Variants in CDH9 observed in about 807,000 individuals in gnomAD.
The protein encoded by CDH9 is cadherin 9.
Under a neutral mutation model 70.9 loss-of-function variants are expected in CDH9, and 28 were observed. The ratio of observed to expected loss-of-function variants is 0.40; its 90% CI spans 0.29 to 0.54. CDH9 has a LOEUF of 0.54. Among genes scored for constraint, CDH9 ranks in the 20% least tolerant of loss-of-function variants. The pLI, the probability that CDH9 is intolerant of heterozygous loss-of-function variation, is 0.59. For synonymous variants in CDH9, 409 were observed against 343.1 expected, an observed-to-expected ratio of 1.19 and a Z score of -2.12; for missense variants, 874 against 984.4, an observed-to-expected ratio of 0.89 and a Z score of 1.50.
chr5:27,012,420 A>G (rs1742974851), intron 1 of CDH9, among the ~76,000 whole-genome samples: 1 of 151,932 alleles, frequency 6.6e-6, no homozygotes, highest in South Asian at 2.1e-4. Context: ...TCTTCAGTCT[A>G]TATGTATGAA....
At chr5:26,946,611 A>C (rs187242529) in intron 2 of CDH9, among the ~76,000 whole-genome samples, 27 of 152,310 alleles carry the variant, frequency 1.8e-4, no homozygotes, top group African/African-American at 6.0e-4. Flanking sequence ...AAATAGGTTA[A>C]GGGAATTAAA....
chr5:26,885,044 T>C (rs981992709), intron 11 of CDH9, among the ~76,000 whole-genome samples: 1 of 152,226 alleles, frequency 6.6e-6, no homozygotes, highest in Non-Finnish European at 1.5e-5. Context: ...AATGTCTAAC[T>C]TACTGTGACA....
At chr5:26,918,580 A>T (rs1271442863) in intron 2 of CDH9, among the ~76,000 whole-genome samples, 1 of 152,230 alleles carries the variant, frequency 6.6e-6, no homozygotes, top group Non-Finnish European at 1.5e-5. Context: ...GAATGGATAG[A>T]CTTGAATTTG....
intron 2 of CDH9, among the ~76,000 whole-genome samples, chr5:26,986,727 T>C (rs1156554523): frequency 6.6e-6 from 1 of 152,054 alleles, no homozygotes; most frequent in East Asian, 1.9e-4. Flanking sequence ...TTTCACATCC[T>C]TAGACAAAAA....
At chr5:26,899,991 TAAC>T (rs1385572607) in intron 7 of CDH9, among the ~76,000 whole-genome samples, 4 of 151,988 alleles carry the variant, frequency 2.6e-5, no homozygotes, top group African/African-American at 9.7e-5. Context: ...AGATAAAAGT[TAAC>T]AATATTAAAG....
intron 2 of CDH9, among the ~76,000 whole-genome samples, chr5:26,939,051 T>A (rs1463596360): frequency 6.6e-6 from 1 of 151,996 alleles, no homozygotes; most frequent in East Asian, 1.9e-4. Context: ...AAATATTATA[T>A]CTTCAGGATG....
At chr5:26,988,489 A>G (rs976199722) in intron 1 of CDH9, 107 bp from the exon 2 acceptor site, 1 of 911,446 alleles carries the variant, frequency 1.1e-6, no homozygotes, top group African/African-American at 1.7e-5. Flanking sequence ...TTTATTATGT[A>G]CTATATATAC....
chr5:26,919,292 A>G (rs941804672), intron 2 of CDH9, among the ~76,000 whole-genome samples: 2 of 152,132 alleles, frequency 1.3e-5, no homozygotes, highest in Non-Finnish European at 2.9e-5. Flanking sequence ...GAAACTTTGC[A>G]TTGGAACTCA....
intron 1 of CDH9, among the ~76,000 whole-genome samples, chr5:27,024,152 C>G (rs1008373604): frequency 2.6e-5 from 4 of 151,824 alleles, no homozygotes; most frequent in African/African-American, 9.7e-5. Context: ...ATGATGAAAA[C>G]TGGACAAATA....
intron 2 of CDH9, among the ~76,000 whole-genome samples, chr5:26,965,642 T>G (rs1253089252): frequency 6.6e-6 from 1 of 151,054 alleles, no homozygotes; most frequent in Non-Finnish European, 1.5e-5. Flanking sequence ...ATTTATGAGC[T>G]TTATGAACAG....
At chr5:27,023,071 C>T (rs1743166248) in intron 1 of CDH9, among the ~76,000 whole-genome samples, 1 of 151,946 alleles carries the variant, frequency 6.6e-6, no homozygotes, top group Middle Eastern at 3.2e-3. Context: ...TAGCCTCTTT[C>T]CATCATTTTA....
At chr5:26,969,410 ATAT>A (rs1742180535) in intron 2 of CDH9, among the ~76,000 whole-genome samples, 1 of 152,088 alleles carries the variant, frequency 6.6e-6, no homozygotes, top group Non-Finnish European at 1.5e-5. Context: ...TATTGTTTTA[ATAT>A]TATTATTGTC....
chr5:26,949,527 C>T (rs1214248985), intron 2 of CDH9, among the ~76,000 whole-genome samples: 1 of 152,180 alleles, frequency 6.6e-6, no homozygotes, highest in Non-Finnish European at 1.5e-5. Flanking sequence ...CTGACAATGA[C>T]CAATGGAAAG....
chr5:26,947,224 T>C (rs1405478338), intron 2 of CDH9, among the ~76,000 whole-genome samples: 1 of 152,144 alleles, frequency 6.6e-6, no homozygotes, highest in Non-Finnish European at 1.5e-5. Context: ...CTTAAGGAAA[T>C]GATCATGCTG....
At chr5:27,021,155 A>T (rs1239387044) in intron 1 of CDH9, among the ~76,000 whole-genome samples, 2 of 151,828 alleles carry the variant, frequency 1.3e-5, no homozygotes, top group African/African-American at 4.8e-5. Flanking sequence ...TTTTCATATT[A>T]TAATCTGGGC....
chr5:27,024,381 A>G (rs1004960048), intron 1 of CDH9, among the ~76,000 whole-genome samples: 2 of 152,086 alleles, frequency 1.3e-5, no homozygotes, highest in Non-Finnish European at 2.9e-5. Context: ...TTTTGAAAAA[A>G]TGTAGTGTCA....
chr5:26,975,305 A>G (rs943866736), intron 2 of CDH9, among the ~76,000 whole-genome samples: 8 of 152,168 alleles, frequency 5.3e-5, no homozygotes, highest in African/African-American at 1.9e-4. Context: ...ATTTTCCAAT[A>G]AGGAAGCATT....
chr5:26,961,784 A>G (rs1001388496), intron 2 of CDH9, among the ~76,000 whole-genome samples: 4 of 152,088 alleles, frequency 2.6e-5, no homozygotes, highest in African/African-American at 9.7e-5. Context: ...TTTCGTCACC[A>G]CCCATAAACC....
At chr5:27,025,254 C>T (rs1367652774) in intron 1 of CDH9, among the ~76,000 whole-genome samples, 3 of 152,016 alleles carry the variant, frequency 2.0e-5, no homozygotes, top group Non-Finnish European at 4.4e-5. Context: ...AACACGCTGA[C>T]AGATATTTTT....
Sources: gnomAD v4.1 joint callset for allele counts (sites outside exome capture counted in the v4.1 genomes callset) on GRCh38, gnomAD v4.1.1 for gene constraint, MANE v1.5 for transcripts, NCBI Gene and HGNC (gene_info 2026-07-23, HGNC 2026-07-21) for gene names.